The following GSK3B variants were observed in gnomAD, a reference collection of about 807,000 sequenced individuals.
The protein encoded by GSK3B is glycogen synthase kinase 3 beta.
In GSK3B, 15 loss-of-function variants were observed where a neutral mutation model predicts 56.4. That is an observed-to-expected ratio of 0.27 (90% confidence interval 0.18 to 0.41). The LOEUF (loss-of-function observed/expected upper bound fraction) is 0.41, where lower values mean the gene tolerates loss of function less well. GSK3B is among the 10% of genes least tolerant of loss of function. GSK3B has a pLI of 1.00. For synonymous variants in GSK3B, 181 were observed against 188.9 expected, an observed-to-expected ratio of 0.96 and a Z score of 0.34; for missense variants, 300 against 513.4, an observed-to-expected ratio of 0.58 and a Z score of 4.02.
At chr3:120,078,041 A>G (rs954501442) in intron 1 of GSK3B, among the ~76,000 whole-genome samples, 5 of 152,212 alleles carry the variant, frequency 3.3e-5, no homozygotes, top group African/African-American at 1.2e-4. Flanking sequence ...ATAAACATTC[A>G]AAGAGTAGCT....
At chr3:119,928,334 G>T (rs1447593143) in intron 3 of GSK3B, among the ~76,000 whole-genome samples, 1 of 152,162 alleles carries the variant, frequency 6.6e-6, no homozygotes, top group African/African-American at 2.4e-5. Flanking sequence ...GGCCGGGCTT[G>T]GTGGCTCACG....
intron 1 of GSK3B, among the ~76,000 whole-genome samples, chr3:120,089,071 A>G (rs1447345606): frequency 6.6e-6 from 1 of 152,192 alleles, no homozygotes. Context: ...CTGCAACTCA[A>G]TTCTAATATA....
At chr3:119,860,171 C>T (rs1180442450) in intron 9 of GSK3B, among the ~76,000 whole-genome samples, 1 of 152,052 alleles carries the variant, frequency 6.6e-6, no homozygotes, top group Non-Finnish European at 1.5e-5. Context: ...CAATTGATTC[C>T]CTAATATATT....
At chr3:119,890,248 A>G (rs552944142) in intron 7 of GSK3B, among the ~76,000 whole-genome samples, 32 of 152,270 alleles carry the variant, frequency 2.1e-4, no homozygotes, top group African/African-American at 7.5e-4. Flanking sequence ...GTCCATTCAT[A>G]GGTGAATGGA....
At chr3:119,952,813 A>T (rs2057171526) in intron 2 of GSK3B, among the ~76,000 whole-genome samples, 1 of 151,118 alleles carries the variant, frequency 6.6e-6, no homozygotes, top group Non-Finnish European at 1.5e-5. Flanking sequence ...CCTCACACTT[A>T]AAAAAAAAGA....
chr3:120,084,574 C>T (rs1479533888), intron 1 of GSK3B: 1 of 152,218 alleles, frequency 6.6e-6, no homozygotes, highest in East Asian at 1.9e-4. Flanking sequence ...ACCGTACGCT[C>T]TTAAAGAAGT....
intron 7 of GSK3B, among the ~76,000 whole-genome samples, chr3:119,882,853 C>A (rs1396185973): frequency 1.3e-5 from 2 of 152,106 alleles, no homozygotes; most frequent in Non-Finnish European, 2.9e-5. Flanking sequence ...AAAAAGGTTT[C>A]TTTATTATAT....
intron 6 of GSK3B, among the ~76,000 whole-genome samples, chr3:119,912,049 C>T (rs910165039): frequency 1.3e-5 from 2 of 152,116 alleles, no homozygotes; most frequent in African/African-American, 4.8e-5. Context: ...TTTCGATATG[C>T]CTTCCTTGCT....
At chr3:120,066,301 G>C (rs2058278043) in intron 1 of GSK3B, among the ~76,000 whole-genome samples, 1 of 152,024 alleles carries the variant, frequency 6.6e-6, no homozygotes, top group African/African-American at 2.4e-5. Flanking sequence ...ATCTAAGACA[G>C]TTGATGTACA....
At chr3:119,989,182 C>G (rs184659702) in intron 2 of GSK3B, among the ~76,000 whole-genome samples, 10 of 152,218 alleles carry the variant, frequency 6.6e-5, no homozygotes, top group Non-Finnish European at 1.2e-4. Flanking sequence ...TGAGGGTGCC[C>G]AGAATCCTTC....
At chr3:120,004,021 G>A (rs1409375165) in intron 1 of GSK3B, among the ~76,000 whole-genome samples, 1 of 152,232 alleles carries the variant, frequency 6.6e-6, no homozygotes, top group Non-Finnish European at 1.5e-5. Context: ...GCTGTACCTG[G>A]AGGAGCGATA....
intron 2 of GSK3B, among the ~76,000 whole-genome samples, chr3:119,949,528 G>A (rs900590200): frequency 2.6e-5 from 4 of 152,128 alleles, no homozygotes; most frequent in Admixed American, 1.3e-4. Flanking sequence ...AGTAAGGAGA[G>A]AAAGGTGGGA....
intron 7 of GSK3B, among the ~76,000 whole-genome samples, chr3:119,878,898 A>G (rs1197345773): frequency 6.6e-6 from 1 of 152,204 alleles, no homozygotes; most frequent in East Asian, 1.9e-4. Flanking sequence ...TAGTGACAGA[A>G]GATCTATAGT....
At chr3:119,982,846 A>T (rs1359451315) in intron 2 of GSK3B, among the ~76,000 whole-genome samples, 1 of 152,226 alleles carries the variant, frequency 6.6e-6, no homozygotes, top group African/African-American at 2.4e-5. Flanking sequence ...AAATTCAGGA[A>T]ATAGAGAGAA....
intron 9 of GSK3B, among the ~76,000 whole-genome samples, chr3:119,855,194 A>G (rs927686599): frequency 4.5e-4 from 68 of 152,112 alleles, no homozygotes; most frequent in Admixed American, 7.9e-4. Context: ...AGTCATAAGG[A>G]AGACATTTAT....
chr3:120,043,210 C>CA (rs943647368), intron 1 of GSK3B, among the ~76,000 whole-genome samples: 9 of 151,824 alleles, frequency 5.9e-5, no homozygotes, highest in Non-Finnish European at 1.2e-4. Context: ...GTCCAGACAG[C>CA]AAAAAAAGGA....
intron 2 of GSK3B, among the ~76,000 whole-genome samples, chr3:119,971,761 G>A (rs1185190830): frequency 2.7e-5 from 4 of 149,462 alleles, no homozygotes; most frequent in Admixed American, 6.6e-5. Context: ...ACAGGCGCCC[G>A]CCACTACGCC....
chr3:120,067,061 T>G (rs2058286804), intron 1 of GSK3B, among the ~76,000 whole-genome samples: 1 of 152,106 alleles, frequency 6.6e-6, no homozygotes, highest in Non-Finnish European at 1.5e-5. Flanking sequence ...TACAAATTTG[T>G]GTTGGGCCAC....
rs1409521986 is a variant in GSK3B at position 119,826,620 on chromosome 3, A to G, written c.*168T>C. 1.5e-6 allele frequency: 1 copy of G among 660,738 alleles called. No individual in the cohort carries two copies. The highest frequency in any genetic ancestry group is 2.1e-5 in the Admixed American group (1 of 48,350). 40.9% of individuals were successfully genotyped at this position (660,738 alleles called of 1,614,324 possible). A position where few individuals can be genotyped will look rare whatever the true frequency, so the allele number is the denominator to read the frequency against. On this transcript the variant is annotated 3_prime_UTR_variant, in exon 11 of 11. Transcript: ENST00000264235. Reference sequence around the variant, plus strand: ...CAATGAAATTGGTTTGTATTTATAGATATTTTACAAGGTTAAATAAGAACA... The same window carrying G: ...CAATGAAATTGGTTTGTATTTATAGGTATTTTACAAGGTTAAATAAGAACA...
Sources: allele counts gnomAD v4.1 joint callset (sites outside exome capture counted in the v4.1 genomes callset), GRCh38; gene constraint gnomAD v4.1.1; transcripts MANE v1.5; gene names NCBI Gene and HGNC (gene_info 2026-07-23, HGNC 2026-07-21).